RFX7: variants seen among roughly 807,000 people sequenced by gnomAD.
RFX7 encodes the protein DNA-binding protein RFX7.
RFX7 carries 26 observed loss-of-function variants against 111.8 expected under a neutral mutation model. The ratio of observed to expected loss-of-function variants is 0.23; its 90% CI spans 0.17 to 0.32. RFX7 has a LOEUF of 0.32. RFX7 is among the 10% of genes least tolerant of loss of function. The pLI, the probability that RFX7 is intolerant of heterozygous loss-of-function variation, is 1.00. For synonymous variants in RFX7, 624 were observed against 624.4 expected (o/e 1.00, Z 0.01); for missense variants, 1,573 against 1,772.9 (o/e 0.89, Z 2.02).
At chr15:56,164,899 T>G (rs2042765207) in intron 3 of RFX7, among the ~76,000 whole-genome samples, 1 of 152,152 alleles carries the variant, frequency 6.6e-6, no homozygotes, top group Non-Finnish European at 1.5e-5. Flanking sequence ...CCAGTAGAGT[T>G]GGAAGGTAGA....
intron 6 of RFX7, among the ~76,000 whole-genome samples, chr15:56,103,247 T>C (rs2041783264): frequency 2.0e-5 from 3 of 150,786 alleles, no homozygotes; most frequent in African/African-American, 2.4e-5. Flanking sequence ...GTTAAACATA[T>C]GGCAGGCCTC....
intron 2 of RFX7, among the ~76,000 whole-genome samples, chr15:56,185,933 G>A (rs1595994929): frequency 6.6e-6 from 1 of 152,066 alleles, no homozygotes; most frequent in Admixed American, 6.5e-5. Context: ...TTTTTCAGAG[G>A]AGTCTCATAT....
chr15:56,163,581 T>A (rs1467603717), intron 3 of RFX7, among the ~76,000 whole-genome samples: 1 of 152,166 alleles, frequency 6.6e-6, no homozygotes, highest in Non-Finnish European at 1.5e-5. Flanking sequence ...TGTTACATGA[T>A]GATGATAAAC....
intron 2 of RFX7, among the ~76,000 whole-genome samples, chr15:56,223,213 G>A (rs1197006965): frequency 1.3e-5 from 2 of 152,030 alleles, no homozygotes; most frequent in Non-Finnish European, 2.9e-5. Flanking sequence ...CACACGTGGA[G>A]TTCGGCATTC....
At chr15:56,180,714 T>G (rs952504373) in intron 2 of RFX7, among the ~76,000 whole-genome samples, 1 of 139,842 alleles carries the variant, frequency 7.2e-6, no homozygotes, top group Non-Finnish European at 1.5e-5. Context: ...GAGACCAGCT[T>G]GGGCAACACG....
intron 5 of RFX7, among the ~76,000 whole-genome samples, chr15:56,127,932 C>A (rs2042166330): frequency 1.3e-5 from 2 of 149,684 alleles, no homozygotes; most frequent in South Asian, 2.1e-4. Flanking sequence ...TAACTAAAAT[C>A]ATGAATGAAA....
chr15:56,162,487 A>C (rs1204692418), intron 3 of RFX7, among the ~76,000 whole-genome samples: 1 of 152,056 alleles, frequency 6.6e-6, no homozygotes, highest in Non-Finnish European at 1.5e-5. Flanking sequence ...TAATGATGAG[A>C]AATTCCCATC....
chr15:56,192,148 G>A (rs1458757932), intron 2 of RFX7, among the ~76,000 whole-genome samples: 1 of 152,040 alleles, frequency 6.6e-6, no homozygotes, highest in South Asian at 2.1e-4. Flanking sequence ...CTAAACATGG[G>A]AATTAGTTCT....
At chr15:56,180,210 A>G (rs2042954442) in intron 2 of RFX7, among the ~76,000 whole-genome samples, 1 of 152,180 alleles carries the variant, frequency 6.6e-6, no homozygotes, top group Non-Finnish European at 1.5e-5. Flanking sequence ...AAGCTATAAT[A>G]TAAAAAAAAT....
At chr15:56,207,780 T>G (rs563909640) in intron 2 of RFX7, among the ~76,000 whole-genome samples, 1 of 152,104 alleles carries the variant, frequency 6.6e-6, no homozygotes, top group Admixed American at 6.5e-5. Flanking sequence ...CCCTACAAGA[T>G]AAAAAGCCGA....
chr15:56,242,590 C>G (rs1159001946), intron 2 of RFX7, among the ~76,000 whole-genome samples: 3 of 152,024 alleles, frequency 2.0e-5, no homozygotes, highest in African/African-American at 7.2e-5. Context: ...AATAAACTCC[C>G]TGAAAAAGAA....
In RFX7 at chr15:56,089,121, A is replaced by T. The variant is rs1331663045; in HGVS notation, c.*4224T>A. On this transcript the variant is annotated 3_prime_UTR_variant, in exon 10 of 10. Transcript: ENST00000559447. ...CCCCCCTCCTACCTATAAAGCATTA[A>T]TTAAGGATCTAAGCTAAGTAATTGG... 2.6e-5 allele frequency: 4 copies of T among 152,268 alleles called. No individual in the cohort carries two copies. Among genetic ancestry groups the T allele is most frequent in the African/African-American group, 9.6e-5 (4 of 41,468 alleles). 9.4% of individuals were successfully genotyped at this position (152,268 alleles called of 1,614,324 possible).
chr15:56,237,066 G>A (rs191844541), intron 2 of RFX7, among the ~76,000 whole-genome samples: 6 of 151,880 alleles, frequency 4.0e-5, no homozygotes, highest in African/African-American at 1.4e-4. Flanking sequence ...GATTGCCTAT[G>A]ATAAATTAAT....
intron 5 of RFX7, among the ~76,000 whole-genome samples, chr15:56,111,887 C>T (rs1049964026): frequency 4.0e-5 from 6 of 151,844 alleles, no homozygotes; most frequent in Admixed American, 6.6e-5. Flanking sequence ...GAGGCCGAGG[C>T]GGGTGGATCA....
At chr15:56,134,297 T>C (rs1346232370) in intron 5 of RFX7, among the ~76,000 whole-genome samples, 1 of 152,142 alleles carries the variant, frequency 6.6e-6, no homozygotes, top group African/African-American at 2.4e-5. Context: ...ACAAATTTTA[T>C]TATCATTGTC....
intron 4 of RFX7, among the ~76,000 whole-genome samples, chr15:56,143,292 A>AATAT (rs574925401): frequency 1.3e-5 from 2 of 151,196 alleles, no homozygotes; most frequent in African/African-American, 2.4e-5. Flanking sequence ...ATTCTCATAT[A>AATAT]ATATATATAT....
At chr15:56,186,729 A>T (rs1348070426) in intron 2 of RFX7, among the ~76,000 whole-genome samples, 1 of 152,160 alleles carries the variant, frequency 6.6e-6, no homozygotes, top group African/African-American at 2.4e-5. Flanking sequence ...TATAATAAAC[A>T]CACCATAGTT....
At chr15:56,199,821 T>G (rs888585826) in intron 2 of RFX7, among the ~76,000 whole-genome samples, 1 of 152,236 alleles carries the variant, frequency 6.6e-6, no homozygotes, top group East Asian at 1.9e-4. Context: ...AACATTTACA[T>G]AAAAAGCCAT....
chr15:56,196,341 C>T (rs1269029694), intron 2 of RFX7, among the ~76,000 whole-genome samples: 1 of 151,902 alleles, frequency 6.6e-6, no homozygotes, highest in Non-Finnish European at 1.5e-5. Flanking sequence ...TGTTATTATT[C>T]CCATGAATGT....
Sources: allele counts gnomAD v4.1 joint callset (sites outside exome capture counted in the v4.1 genomes callset), GRCh38; gene constraint gnomAD v4.1.1; transcripts MANE v1.5; gene names NCBI Gene and HGNC (gene_info 2026-07-23, HGNC 2026-07-21).